The following TMEM117 variants were observed in gnomAD, a reference collection of about 807,000 sequenced individuals.
The protein encoded by TMEM117 is transmembrane protein 117.
TMEM117 carries 27 observed loss-of-function variants against 52.4 expected under a neutral mutation model. That is an observed-to-expected ratio of 0.51 (90% CI 0.38 to 0.71). The LOEUF is 0.71. Ranked by LOEUF, TMEM117 falls within the 30% of genes least tolerant of loss-of-function variation. The probability of loss-of-function intolerance (pLI) is 0.00; values close to 1 mark genes in which losing one functional copy is unlikely to be tolerated. For synonymous variants in TMEM117, 215 were observed against 206.3 expected, an observed-to-expected ratio of 1.04 and a Z score of -0.36; for missense variants, 556 against 630.5, an observed-to-expected ratio of 0.88 and a Z score of 1.26.
At chr12:44,092,036 G>T (rs975844246) in intron 3 of TMEM117, among the ~76,000 whole-genome samples, 2 of 152,182 alleles carry the variant, frequency 1.3e-5, no homozygotes, top group African/African-American at 4.8e-5. Context: ...GCCATCCCAT[G>T]TGACACAAGA....
chr12:44,259,808 A>G (rs572037877), intron 5 of TMEM117, among the ~76,000 whole-genome samples: 18 of 152,348 alleles, frequency 1.2e-4, no homozygotes, highest in African/African-American at 4.1e-4. Context: ...TTAAAAAGCA[A>G]CAAGAACTCG....
At chr12:44,275,445 G>A (rs190200658) in intron 5 of TMEM117, among the ~76,000 whole-genome samples, 4 of 152,030 alleles carry the variant, frequency 2.6e-5, no homozygotes, top group Admixed American at 2.6e-4. Context: ...CCACTACTAG[G>A]TATATATCCA....
intron 5 of TMEM117, among the ~76,000 whole-genome samples, chr12:44,248,238 T>C (rs1238425367): frequency 1.3e-5 from 2 of 152,128 alleles, no homozygotes; most frequent in Non-Finnish European, 1.5e-5. Flanking sequence ...AAGGCTTCCA[T>C]TATACCCAGT....
At chr12:43,824,936 A>C in the TMEM117 span, among the ~76,000 whole-genome samples, 1 of 152,166 alleles carries the variant, frequency 6.6e-6, no homozygotes, top group Non-Finnish European at 1.5e-5. Flanking sequence ...TCCGTCTCAA[A>C]ACAAAACAAA....
chr12:44,358,217 A>T (rs1951677503), intron 6 of TMEM117, among the ~76,000 whole-genome samples: 2 of 152,122 alleles, frequency 1.3e-5, no homozygotes, highest in African/African-American at 4.8e-5. Context: ...ACTATTGGGC[A>T]CTATGCTCAG....
chr12:43,870,594 T>G (rs1006918143), intron 2 of TMEM117, among the ~76,000 whole-genome samples: 17 of 151,962 alleles, frequency 1.1e-4, no homozygotes, highest in African/African-American at 4.1e-4. Flanking sequence ...CAATTTATAT[T>G]CTTTTGGGTA....
intron 6 of TMEM117, among the ~76,000 whole-genome samples, chr12:44,370,337 A>C (rs1421593136): frequency 6.6e-6 from 1 of 152,140 alleles, no homozygotes; most frequent in Non-Finnish European, 1.5e-5. Flanking sequence ...CTCTCTGTAT[A>C]ATTCCAGTAC....
At chr12:43,969,666 G>A (rs1222121544) in intron 3 of TMEM117, among the ~76,000 whole-genome samples, 1 of 152,028 alleles carries the variant, frequency 6.6e-6, no homozygotes. Context: ...AAAGGTTTCT[G>A]TGCCTGTCTC....
chr12:44,390,496 T>C (rs1274844338), downstream of TMEM117, among the ~76,000 whole-genome samples: 3 of 152,268 alleles, frequency 2.0e-5, no homozygotes, highest in East Asian at 3.9e-4. Context: ...TATAAAAATA[T>C]TATTTGAGAA....
In TMEM117 at chr12:44,345,885, G is replaced by T. The variant is rs1171547057; in HGVS notation, c.769-30710G>T. On this transcript the variant is annotated intron_variant, in intron 6 of 7. Transcript: ENST00000266534. ...GTAAATAGGATTATAATTAGGCACA[G>T]TGTAATCTCTTATCCTCCACAAAGG... 3.9e-5 allele frequency among the ~76,000 whole-genome samples: 6 copies of T among 152,084 alleles called. No homozygotes were observed. The East Asian group carries it at 9.7e-4, about 24-fold the overall frequency.
intron 4 of TMEM117, among the ~76,000 whole-genome samples, chr12:44,152,660 A>G (rs1237886151): frequency 7.6e-6 from 1 of 131,456 alleles, no homozygotes; most frequent in Admixed American, 8.3e-5. Context: ...TAATATTTAT[A>G]TCATATATAA....
intron 4 of TMEM117, among the ~76,000 whole-genome samples, chr12:44,155,479 G>A (rs1592565156): frequency 6.6e-6 from 1 of 152,124 alleles, no homozygotes; most frequent in Non-Finnish European, 1.5e-5. Flanking sequence ...CTTTTGGTCT[G>A]TTCAAATCTT....
chr12:43,964,782 G>A (rs750293297), intron 3 of TMEM117, among the ~76,000 whole-genome samples: 8 of 152,042 alleles, frequency 5.3e-5, no homozygotes, highest in Non-Finnish European at 1.0e-4. Context: ...ATTCTGATAC[G>A]GTCACTACAT....
intron 5 of TMEM117, among the ~76,000 whole-genome samples, chr12:44,257,429 G>C (rs1047079304): frequency 2.0e-5 from 3 of 152,028 alleles, no homozygotes; most frequent in African/African-American, 7.2e-5. Flanking sequence ...ACAATGTCTA[G>C]TCCTTTTAGC....
At chr12:43,831,986 G>C (rs1330826584), upstream of TMEM117, among the ~76,000 whole-genome samples, 1 of 152,214 alleles carries the variant, frequency 6.6e-6, no homozygotes. Flanking sequence ...TGATCTGAGA[G>C]TTTTGAAAAA....
chr12:44,090,291 C>A (rs1194350549), intron 3 of TMEM117, among the ~76,000 whole-genome samples: 2 of 152,020 alleles, frequency 1.3e-5, no homozygotes, highest in East Asian at 3.8e-4. Flanking sequence ...GTAAACATAG[C>A]CTCTGATAGG....
chr12:43,822,069 A>G, the TMEM117 span, among the ~76,000 whole-genome samples: 1 of 152,188 alleles, frequency 6.6e-6, no homozygotes, highest in Non-Finnish European at 1.5e-5. Context: ...AGGTCCAGAC[A>G]TTTATGGACA....
chr12:44,237,985 TG>T (rs1196899214), intron 5 of TMEM117, among the ~76,000 whole-genome samples: 1 of 152,116 alleles, frequency 6.6e-6, no homozygotes, highest in African/African-American at 2.4e-5. Context: ...TATTCAGCAC[TG>T]CTGTGTGAAG....
chr12:43,894,387 C>CT (rs971012502), intron 2 of TMEM117, among the ~76,000 whole-genome samples: 48 of 151,812 alleles, frequency 3.2e-4, no homozygotes, highest in African/African-American at 1.1e-3. Flanking sequence ...CTTTTTCTTT[C>CT]TTTTTTTTAA....
Sources: gnomAD v4.1 joint callset for allele counts (sites outside exome capture counted in the v4.1 genomes callset) on GRCh38, gnomAD v4.1.1 for gene constraint, MANE v1.5 for transcripts, NCBI Gene and HGNC (gene_info 2026-07-23, HGNC 2026-07-21) for gene names.